CDK14: variants seen among roughly 807,000 people sequenced by gnomAD.
CDK14 encodes the protein cyclin dependent kinase 14.
A neutral mutation model predicts 60.7 loss-of-function variants in CDK14; 34 were observed. The ratio of observed to expected loss-of-function variants is 0.56; its 90% CI spans 0.43 to 0.75. The LOEUF (loss-of-function observed/expected upper bound fraction) is 0.75. Ranked by LOEUF, CDK14 falls within the 30% of genes least tolerant of loss-of-function variation. The pLI is 0.00. For missense variants in CDK14, 482 were observed against 564.1 expected, an observed-to-expected ratio of 0.85 and a Z score of 1.47; for synonymous variants, 197 against 203.7, an observed-to-expected ratio of 0.97 and a Z score of 0.28.
At chr7:90,875,766 CTAA>C (rs762075833) in intron 6 of CDK14, among the ~76,000 whole-genome samples, 93 of 151,914 alleles carry the variant, frequency 6.1e-4, no homozygotes, top group Non-Finnish European at 1.2e-3. Context: ...CTCCCGTTTT[CTAA>C]TTCTTTTTTC....
intron 14 of CDK14, among the ~76,000 whole-genome samples, chr7:91,164,063 G>T (rs1801262825): frequency 1.3e-5 from 2 of 152,122 alleles, no homozygotes; most frequent in Non-Finnish European, 2.9e-5. Context: ...ACCTCGTAAG[G>T]AAACTATAAG....
intron 12 of CDK14, among the ~76,000 whole-genome samples, chr7:91,080,750 AAC>A (rs1798463927): frequency 6.6e-6 from 1 of 152,220 alleles, no homozygotes; most frequent in Non-Finnish European, 1.5e-5. Flanking sequence ...CACTTTATGA[AAC>A]AATTCTTGAT....
At chr7:90,638,984 G>A (rs1370522351) in intron 2 of CDK14, among the ~76,000 whole-genome samples, 1 of 152,068 alleles carries the variant, frequency 6.6e-6, no homozygotes, top group Non-Finnish European at 1.5e-5. Flanking sequence ...AGGTCCATCA[G>A]CTCCTTTAAG....
At chr7:90,976,871 AT>A (rs1322697787) in intron 9 of CDK14, among the ~76,000 whole-genome samples, 2 of 152,100 alleles carry the variant, frequency 1.3e-5, no homozygotes, top group African/African-American at 4.8e-5. Flanking sequence ...TAAAAACTCA[AT>A]TTAAGTCGGT....
chr7:90,662,903 C>G (rs1800892503), intron 2 of CDK14, among the ~76,000 whole-genome samples: 1 of 152,194 alleles, frequency 6.6e-6, no homozygotes, highest in South Asian at 2.1e-4. Context: ...GCTATGCAAC[C>G]TGATCACCTC....
chr7:91,139,244 A>G (rs1800372316), intron 14 of CDK14, among the ~76,000 whole-genome samples: 1 of 152,200 alleles, frequency 6.6e-6, no homozygotes, highest in South Asian at 2.1e-4. Context: ...GGATAGTGAT[A>G]TCAATCTAGT....
At chr7:90,926,274 C>G (rs1291589164) in intron 8 of CDK14, among the ~76,000 whole-genome samples, 3 of 151,872 alleles carry the variant, frequency 2.0e-5, no homozygotes, top group African/African-American at 7.3e-5. Flanking sequence ...AAGATGAGAC[C>G]CAGAATACTA....
At chr7:90,780,267 T>C (rs1427406105) in intron 4 of CDK14, among the ~76,000 whole-genome samples, 1 of 152,096 alleles carries the variant, frequency 6.6e-6, no homozygotes, top group Non-Finnish European at 1.5e-5. Flanking sequence ...ACAGTGTATA[T>C]GAAAGGGTAT....
In CDK14 at chr7:90,758,814, G is replaced by T. The variant is rs1201468178; in HGVS notation, c.464+11039G>T. ...CTCGTGCCTGCTATCCCAGCACTTT[G>T]CAAGGGCAAGGCGGGTGGATCACCT... On this transcript the variant is annotated intron_variant, in intron 4 of 14. Transcript: ENST00000380050. Among the ~76,000 whole-genome samples, 4 of 152,224 alleles carry T rather than the reference G, an allele frequency of 2.6e-5. No homozygotes were observed. The East Asian group carries it at 7.7e-4, about 29-fold the overall frequency.
Position 91,148,360 on chromosome 7 carries a change from G to A in CDK14, c.*28+30152G>A, listed in dbSNP as rs545341062. On this transcript the variant is annotated intron_variant, in intron 14 of 14. Transcript: ENST00000380050. Reference sequence around the variant, plus strand: ...TGCATTCCAGCCTGGGCAATCAAGCGAGACCCTGTCTCCAAAAAAAAGGAA... The same window carrying A: ...TGCATTCCAGCCTGGGCAATCAAGCAAGACCCTGTCTCCAAAAAAAAGGAA... 1.4e-4 allele frequency among the ~76,000 whole-genome samples: 22 copies of A among 152,052 alleles called. 1 individual carries two copies. In the East Asian group the frequency reaches 2.9e-3, roughly 20 times the overall value.
rs532198680 is a variant in CDK14 at position 91,209,249 on chromosome 7, G to A, written c.*2113G>A. Reference sequence around the variant, plus strand: ...GCTATTAGAGTTATATCTCCCTGTCGTAGGCAGCTTCTTCGGAGAAGTGAA... The same window carrying A: ...GCTATTAGAGTTATATCTCCCTGTCATAGGCAGCTTCTTCGGAGAAGTGAA... On this transcript the variant is annotated 3_prime_UTR_variant, in exon 15 of 15. Transcript: ENST00000380050. The A allele has an allele frequency of 6.6e-6, 1 of 152,262 alleles. No homozygotes were observed. The highest frequency in any genetic ancestry group is 1.9e-4 in the East Asian group (1 of 5,176). The allele number at this position is 152,262 out of a possible 1,614,324, so 9.4% of individuals were successfully genotyped here.
intron 10 of CDK14, among the ~76,000 whole-genome samples, chr7:91,042,946 G>A (rs1037152316): frequency 4.6e-5 from 7 of 152,144 alleles, no homozygotes; most frequent in Admixed American, 2.0e-4. Context: ...TTTCCAAAAT[G>A]GCTTTTACAG....
At chr7:90,957,223 T>C (rs1794451465) in intron 9 of CDK14, among the ~76,000 whole-genome samples, 1 of 151,914 alleles carries the variant, frequency 6.6e-6, no homozygotes, top group Non-Finnish European at 1.5e-5. Flanking sequence ...AAGTTTACAG[T>C]CCCACCAACA....
At chr7:91,024,509 G>T (rs987475083) in intron 10 of CDK14, among the ~76,000 whole-genome samples, 1 of 152,146 alleles carries the variant, frequency 6.6e-6, no homozygotes, top group Non-Finnish European at 1.5e-5. Flanking sequence ...AACTTAGCTG[G>T]GTGTTGTGGC....
chr7:90,757,722 C>A (rs934392073), intron 4 of CDK14, among the ~76,000 whole-genome samples: 1 of 151,886 alleles, frequency 6.6e-6, no homozygotes, highest in African/African-American at 2.4e-5. Flanking sequence ...TGCCTCAGCA[C>A]CCCCGAGTAG....
intron 1 of CDK14, among the ~76,000 whole-genome samples, chr7:90,603,280 G>A (rs1396919969): frequency 6.6e-6 from 1 of 152,086 alleles, no homozygotes; most frequent in Non-Finnish European, 1.5e-5. Context: ...TCTATGTTGG[G>A]TGAAAAAATT....
At chr7:91,040,285 G>A (rs973911442) in intron 10 of CDK14, among the ~76,000 whole-genome samples, 5 of 152,072 alleles carry the variant, frequency 3.3e-5, no homozygotes, top group African/African-American at 4.8e-5. Context: ...AGAATTAGGC[G>A]GTTCTGCTTT....
At chr7:90,768,275 GATA>G (rs767922681) in intron 4 of CDK14, among the ~76,000 whole-genome samples, 6 of 152,250 alleles carry the variant, frequency 3.9e-5, no homozygotes, top group Non-Finnish European at 7.3e-5. Context: ...TCTATTTAGA[GATA>G]ATATTAGGAG....
intron 6 of CDK14, among the ~76,000 whole-genome samples, chr7:90,897,405 G>T (rs1268783157): frequency 2.6e-5 from 4 of 151,950 alleles, no homozygotes; most frequent in Non-Finnish European, 2.9e-5. Flanking sequence ...TATTGATATG[G>T]TTGGATGTAC....
Sources: gnomAD v4.1 joint callset for allele counts (sites outside exome capture counted in the v4.1 genomes callset) on GRCh38, gnomAD v4.1.1 for gene constraint, MANE v1.5 for transcripts, NCBI Gene and HGNC (gene_info 2026-07-23, HGNC 2026-07-21) for gene names.